OR56A4: variants seen among roughly 807,000 people sequenced by gnomAD.
The protein encoded by OR56A4 is olfactory receptor family 56 subfamily A member 4, also known as olfactory receptor 56A4.
OR56A4 carries 9 observed loss-of-function variants against 13.6 expected under a neutral mutation model. The observed-to-expected ratio is 0.66, with a 90% CI of 0.40 to 1.15. OR56A4 has a LOEUF of 1.15. OR56A4 is among the 50% of genes most tolerant of loss of function. The probability of loss-of-function intolerance (pLI) is 0.01; values close to 1 mark genes in which losing one functional copy is unlikely to be tolerated. For missense variants in OR56A4, 380 were observed against 375.9 expected, an observed-to-expected ratio of 1.01 and a Z score of -0.09; for synonymous variants, 167 against 153.9, an observed-to-expected ratio of 1.08 and a Z score of -0.63.
rs1590470172 is a variant in OR56A4 at position 6,001,826 on chromosome 11, A to G, written c.*225T>C. 34 of 463,412 alleles carry G rather than the reference A, an allele frequency of 7.3e-5. No homozygotes were observed. The East Asian group carries it at 1.2e-3, about 16-fold the overall frequency. 28.7% of individuals were successfully genotyped at this position (463,412 alleles called of 1,614,324 possible). On this transcript the variant is annotated 3_prime_UTR_variant, in exon 3 of 3. Coordinates refer to ENST00000641156, the MANE Select transcript of OR56A4 (RefSeq NM_001005179.4). ...TGCAGATTAGATCAGGAAAAATTCC[A>G]AAGTAACCATAGAATCCAGAAAAGG...
In OR56A4 at chr11:6,002,365, A is replaced by G. The variant is rs758164559; in HGVS notation, c.628T>C (p.Leu210=). The change falls in exon 3 of 3, where the codon TTG becomes CTG. Residue 210 remains leucine (L), a synonymous_variant. Coordinates refer to ENST00000641156, the MANE Select transcript of OR56A4 (RefSeq NM_001005179.4). Reference sequence around the variant, plus strand: ...ACAATAAGGATAAGATCAGAGCCCAACAGAGTCCAGCCTGCCACAAACTGG... The same window carrying G: ...ACAATAAGGATAAGATCAGAGCCCAGCAGAGTCCAGCCTGCCACAAACTGG... ...LYQFVAGWTL[L]GSDLILIVIS... The G allele has an allele frequency of 1.2e-6, 2 of 1,614,088 alleles. No homozygotes were observed. Among genetic ancestry groups the G allele is most frequent in the Non-Finnish European group, 1.7e-6 (2 of 1,180,018 alleles).
chr11:6,004,512 G>A (rs1848242622), intron 2 of OR56A4, among the ~76,000 whole-genome samples: 2 of 152,200 alleles, frequency 1.3e-5, no homozygotes. Flanking sequence ...AGAAGATAAT[G>A]TAAGTATTTA....
Position 6,002,649 on chromosome 11 carries a change from G to C in OR56A4, c.344C>G (p.Ser115Cys). Reference sequence around the variant, plus strand: ...ATAGGCCATGACCATGAACGTGCAGGACTCCATGGTCAAAAAACTGTTCAT... The same window carrying C: ...ATAGGCCATGACCATGAACGTGCAGCACTCCATGGTCAAAAAACTGTTCAT... ...FIMNSFLTME[S>C]CTFMVMAYDR... The change falls in exon 3 of 3, where the codon TCC (serine) becomes TGC (cysteine). Residue 115 changes from serine (S) to cysteine (C), a missense_variant. Transcript: ENST00000641156. 6.2e-7 allele frequency: 1 copy of C among 1,614,236 alleles called. No individual in the cohort carries two copies.
At chr11:6,006,771 C>T (rs1320903976) in intron 1 of OR56A4, 147 bp downstream of exon 1, 1 of 152,194 alleles carries the variant, frequency 6.6e-6, no homozygotes, top group African/African-American at 2.4e-5. Flanking sequence ...TGTACCAGAA[C>T]CTAAGTACTG....
Sources: gnomAD v4.1 joint callset for allele counts (sites outside exome capture counted in the v4.1 genomes callset) on GRCh38, gnomAD v4.1.1 for gene constraint, MANE v1.5 for transcripts, NCBI Gene and HGNC (gene_info 2026-07-23, HGNC 2026-07-21) for gene names.